Variants in CHSY3 observed in about 807,000 individuals in gnomAD.
The protein encoded by CHSY3 is chondroitin sulfate synthase 3.
A neutral mutation model predicts 67.2 loss-of-function variants in CHSY3; 35 were observed. The ratio of observed to expected loss-of-function variants is 0.52; its 90% CI spans 0.40 to 0.69. The LOEUF (loss-of-function observed/expected upper bound fraction) is 0.69, where lower values mean the gene tolerates loss of function less well. CHSY3 is among the 30% of genes least tolerant of loss of function. The pLI is 0.00. For missense variants in CHSY3, 1,069 were observed against 1,138.5 expected, an observed-to-expected ratio of 0.94 and a Z score of 0.88; for synonymous variants, 474 against 434.7, an observed-to-expected ratio of 1.09 and a Z score of -1.12.
At chr5:129,938,183 C>A (rs989020631) in intron 2 of CHSY3, among the ~76,000 whole-genome samples, 2 of 152,202 alleles carry the variant, frequency 1.3e-5, no homozygotes, top group African/African-American at 4.8e-5. Flanking sequence ...TCCCTTTTAG[C>A]CATGGCTAGA....
intron 2 of CHSY3, among the ~76,000 whole-genome samples, chr5:130,112,793 A>G (rs1767630342): frequency 1.3e-5 from 2 of 152,120 alleles, no homozygotes; most frequent in African/African-American, 2.4e-5. Flanking sequence ...CAAAAAGGCA[A>G]TGAAAGAAAT....
chr5:130,185,936 T>A lies in CHSY3; in HGVS notation c.*145T>A. ...CCTGGTCTTAAACTACTCTTGGTTGTCTTCCTAAGGGTGTTTGTTGACCTC... is the reference window on the plus strand; with the variant it reads ...CCTGGTCTTAAACTACTCTTGGTTGACTTCCTAAGGGTGTTTGTTGACCTC... On this transcript the variant is annotated 3_prime_UTR_variant, in exon 3 of 3. Coordinates refer to ENST00000305031, the MANE Select transcript of CHSY3 (RefSeq NM_175856.5). 2.3e-6 allele frequency: 1 copy of A among 441,200 alleles called. No homozygotes were observed. Among genetic ancestry groups the A allele is most frequent in the Non-Finnish European group, 3.7e-6 (1 of 272,270 alleles). 27.3% of individuals were successfully genotyped at this position (441,200 alleles called of 1,614,324 possible).
At chr5:130,131,507 T>A (rs1580765638) in intron 2 of CHSY3, among the ~76,000 whole-genome samples, 1 of 152,196 alleles carries the variant, frequency 6.6e-6, no homozygotes, top group East Asian at 1.9e-4. Flanking sequence ...TAATCAATAT[T>A]TATATCTATT....
At chr5:130,015,504 C>T (rs972033148) in intron 2 of CHSY3, among the ~76,000 whole-genome samples, 2 of 152,132 alleles carry the variant, frequency 1.3e-5, no homozygotes, top group African/African-American at 2.4e-5. Flanking sequence ...CGTCACTGAT[C>T]ATTAGGGAAA....
At chr5:129,926,250 A>G (rs968891186) in intron 2 of CHSY3, among the ~76,000 whole-genome samples, 1 of 152,042 alleles carries the variant, frequency 6.6e-6, no homozygotes, top group Non-Finnish European at 1.5e-5. Flanking sequence ...TTGATTATTT[A>G]CATGATATTA....
At chr5:130,149,623 A>T (rs1769176469) in intron 2 of CHSY3, among the ~76,000 whole-genome samples, 2 of 152,206 alleles carry the variant, frequency 1.3e-5, no homozygotes, top group Admixed American at 1.3e-4. Flanking sequence ...TTGGGCAGGG[A>T]CAAACATCCA....
At chr5:129,965,268 T>G (rs552932140) in intron 2 of CHSY3, among the ~76,000 whole-genome samples, 41 of 151,958 alleles carry the variant, frequency 2.7e-4, no homozygotes, top group African/African-American at 9.9e-4. Flanking sequence ...TCTTTAGAAC[T>G]GAGATTTGTC....
At chr5:129,935,484 A>G (rs1399154679) in intron 2 of CHSY3, among the ~76,000 whole-genome samples, 1 of 152,176 alleles carries the variant, frequency 6.6e-6, no homozygotes, top group Non-Finnish European at 1.5e-5. Context: ...TTGACAATGT[A>G]TCATTTAGAC....
At chr5:129,951,841 T>A (rs1048534424) in intron 2 of CHSY3, among the ~76,000 whole-genome samples, 2 of 152,248 alleles carry the variant, frequency 1.3e-5, no homozygotes, top group South Asian at 2.1e-4. Flanking sequence ...AATATTTTTT[T>A]AAATTATCTG....
At chr5:130,053,833 AT>A (rs930904427) in intron 2 of CHSY3, among the ~76,000 whole-genome samples, 5 of 152,074 alleles carry the variant, frequency 3.3e-5, no homozygotes, top group African/African-American at 1.2e-4. Context: ...TTTTAGGTGT[AT>A]TTTTCGTTAT....
rs544071031 is a variant in CHSY3, at chr5:130,140,328, C to T, written c.1087-43901C>T. The T allele has an allele frequency of 3.0e-5, 16 of 525,010 alleles. No homozygotes were observed. The East Asian group carries it at 3.4e-4, about 11-fold the overall frequency. The allele number at this position is 525,010 out of a possible 1,614,324, so 32.5% of individuals were successfully genotyped here. Reference sequence around the variant, plus strand: ...CCTTCATAGTGGTGAATAAGCACAACGTCCAAGTAGAATACAAGGGAGAGA... The same window carrying T: ...CCTTCATAGTGGTGAATAAGCACAATGTCCAAGTAGAATACAAGGGAGAGA... On this transcript the variant is annotated intron_variant, in intron 2 of 2. Coordinates refer to ENST00000305031, the MANE Select transcript of CHSY3 (RefSeq NM_175856.5).
chr5:129,926,417 CTTAA>C (rs1761111219), intron 2 of CHSY3, among the ~76,000 whole-genome samples: 2 of 151,750 alleles, frequency 1.3e-5, no homozygotes, highest in Admixed American at 6.6e-5. Context: ...TATTTTGTGT[CTTAA>C]TTGAGTTGTA....
intron 2 of CHSY3, among the ~76,000 whole-genome samples, chr5:129,984,268 A>G (rs1214488018): frequency 6.6e-6 from 1 of 152,150 alleles, no homozygotes; most frequent in Non-Finnish European, 1.5e-5. Context: ...CTTATTAGTT[A>G]AAACATGTGG....
intron 2 of CHSY3, among the ~76,000 whole-genome samples, chr5:130,002,450 C>T (rs1440078606): frequency 2.0e-5 from 3 of 152,004 alleles, no homozygotes; most frequent in Admixed American, 1.3e-4. Context: ...ATTACAGTTC[C>T]CTCTGCAGAT....
At chr5:130,042,839 A>G (rs987583906) in intron 2 of CHSY3, among the ~76,000 whole-genome samples, 3 of 152,036 alleles carry the variant, frequency 2.0e-5, no homozygotes, top group Non-Finnish European at 4.4e-5. Flanking sequence ...CCTGGTACGT[A>G]TTACCTAACC....
intron 2 of CHSY3, among the ~76,000 whole-genome samples, chr5:129,925,451 A>G (rs1761071398): frequency 6.6e-6 from 1 of 152,134 alleles, no homozygotes; most frequent in South Asian, 2.1e-4. Context: ...TTTTCAGTTG[A>G]CAAATAAAAA....
intron 2 of CHSY3, among the ~76,000 whole-genome samples, chr5:129,911,719 G>C (rs1760556570): frequency 6.6e-6 from 1 of 152,150 alleles, no homozygotes; most frequent in South Asian, 2.1e-4. Flanking sequence ...TAAGAAACCA[G>C]TATGTTGCAG....
chr5:130,053,102 G>A (rs1765415312), intron 2 of CHSY3, among the ~76,000 whole-genome samples: 1 of 152,062 alleles, frequency 6.6e-6, no homozygotes, highest in African/African-American at 2.4e-5. Context: ...AATAATTTAT[G>A]TATTCCCAAA....
At chr5:130,170,188 A>G (rs2902585) in intron 2 of CHSY3, among the ~76,000 whole-genome samples, 7,978 of 151,968 alleles carry the variant, frequency 0.052, 412 homozygotes, top group East Asian at 0.25. Flanking sequence ...CTTTATATCC[A>G]TGTGTTCCCA....
Sources: gnomAD v4.1 joint callset for allele counts (sites outside exome capture counted in the v4.1 genomes callset) on GRCh38, gnomAD v4.1.1 for gene constraint, MANE v1.5 for transcripts, NCBI Gene and HGNC (gene_info 2026-07-23, HGNC 2026-07-21) for gene names.